Variants in TPTE2 observed in about 807,000 individuals in gnomAD.
TPTE2 encodes transmembrane phosphoinositide 3-phosphatase and tensin homolog 2, also known as phosphatidylinositol 3,4,5-trisphosphate 3-phosphatase TPTE2.
A neutral mutation model predicts 78.6 loss-of-function variants in TPTE2; 53 were observed. The observed-to-expected ratio is 0.67, with a 90% CI of 0.54 to 0.85. The LOEUF (loss-of-function observed/expected upper bound fraction) is 0.85. TPTE2 is among the 40% of genes least tolerant of loss of function. The pLI is 0.00. For missense variants in TPTE2, 461 were observed against 623.0 expected (o/e 0.74, Z 2.77); for synonymous variants, 175 against 206.2 (o/e 0.85, Z 1.30).
At chr13:19,465,348 G>A in intron 8 of TPTE2, 30 bp from the exon 12 acceptor site, 2 of 1,613,512 alleles carry the variant, frequency 1.2e-6, no homozygotes, top group Non-Finnish European at 1.7e-6. Context: ...ATTAGTTTGT[G>A]AAACATTCAT....
chr13:19,543,059 C>CT, the TPTE2 span, among the ~76,000 whole-genome samples: 129 of 144,710 alleles, frequency 8.9e-4, no homozygotes, highest in South Asian at 0.012. Context: ...ATTTCTTTTT[C>CT]TTTTTTTTTT....
chr13:19,550,425 T>C, the TPTE2 span, among the ~76,000 whole-genome samples: 6 of 152,202 alleles, frequency 3.9e-5, no homozygotes, highest in Non-Finnish European at 7.4e-5. Context: ...CATACTATCC[T>C]TGTTAATATT....
intron 15 of TPTE2, 147 bp downstream of exon 18, chr13:19,436,079 T>C (rs1877060996): frequency 1.6e-6 from 1 of 626,698 alleles, no homozygotes; most frequent in Admixed American, 3.0e-5. Flanking sequence ...ACCCTCAGAC[T>C]CAGGGAGGGA....
chr13:19,435,431 G>A (rs1356733319), intron 15 of TPTE2, among the ~76,000 whole-genome samples: 6 of 152,146 alleles, frequency 3.9e-5, no homozygotes, highest in Admixed American at 3.3e-4. Flanking sequence ...GTGGAGAGTG[G>A]GGTTGAGGGG....
the TPTE2 span, among the ~76,000 whole-genome samples, chr13:19,550,460 A>G: frequency 6.6e-6 from 1 of 152,218 alleles, no homozygotes; most frequent in East Asian, 1.9e-4. Flanking sequence ...GTTCCAGTAT[A>G]AAGTAAAATT....
At chr13:19,470,147 C>T (rs753931289) in intron 6 of TPTE2, among the ~76,000 whole-genome samples, 4 of 152,130 alleles carry the variant, frequency 2.6e-5, no homozygotes, top group East Asian at 3.8e-4. Context: ...CCATTCAGTA[C>T]GGTACTGACT....
At position 19,465,305 on chromosome 13, in the gene TPTE2, T is replaced by C. The variant is rs775410599; in HGVS notation, c.626A>G (p.Lys209Arg). The C allele has an allele frequency of 1.2e-6, 2 of 1,613,904 alleles. No homozygotes were observed. The highest frequency in any genetic ancestry group is 1.7e-5 in the Admixed American group (1 of 60,022). The stretch of plus-strand genomic sequence containing the variant: ...AAATCCATCCCTTGTGTATCGCCTT[T>C]TGTTTTCTGAAACCTGAGAGTTTAA... The change falls in exon 9 of 20, where the codon AAA (lysine) becomes AGA (arginine). Residue 209 changes from lysine to arginine, a missense_variant. Physicochemically the swap from Lys to Arg is conservative, Grantham distance 26. Coordinates refer to ENST00000400230, the Ensembl canonical transcript of TPTE2.
At chr13:19,463,979 T>C (rs570347418) in intron 10 of TPTE2, among the ~76,000 whole-genome samples, 37 of 152,236 alleles carry the variant, frequency 2.4e-4, no homozygotes, top group African/African-American at 8.7e-4. Flanking sequence ...CAGCATATGG[T>C]GGCTCTGCTG....
chr13:19,468,430 A>G (rs1339685578), intron 6 of TPTE2, among the ~76,000 whole-genome samples: 2 of 152,128 alleles, frequency 1.3e-5, no homozygotes, highest in Admixed American at 1.3e-4. Flanking sequence ...ATGGACACTT[A>G]GGCTGCTTCC....
chr13:19,504,438 C>T (rs1868854516), upstream of TPTE2, among the ~76,000 whole-genome samples: 1 of 152,058 alleles, frequency 6.6e-6, no homozygotes, highest in South Asian at 2.1e-4. Context: ...TAGTGTTAGC[C>T]TCACATGGTG....
exon 17 of TPTE2, chr13:19,430,491 T>G (rs1876490209): frequency 6.2e-7 from 1 of 1,610,848 alleles, no homozygotes; most frequent in Non-Finnish European, 8.5e-7. Context: ...AATGAAGTAC[T>G]GGAAAAGACA....
rs1385754119 is a variant in TPTE2, at chr13:19,477,847, C to T, written c.180-2224G>A. Among the ~76,000 whole-genome samples the T allele has an allele frequency of 3.3e-5, 5 of 152,274 alleles. No homozygotes were observed. In the South Asian group the frequency reaches 1.0e-3, roughly 32 times the overall value. On this transcript the variant is annotated intron_variant, in intron 4 of 19. Coordinates refer to ENST00000400230, the Ensembl canonical transcript of TPTE2. ...ATGTGCAGAGTTTGCAGGGAAATAA[C>T]TATGACTCAGTAAATCCATATCCAG...
intron 3 of TPTE2, among the ~76,000 whole-genome samples, chr13:19,485,849 T>A (rs1880633453): frequency 6.6e-6 from 1 of 152,088 alleles, no homozygotes; most frequent in African/African-American, 2.4e-5. Context: ...CATTGAACTG[T>A]TTAGCTCTTA....
intron 1 of TPTE2, among the ~76,000 whole-genome samples, chr13:19,529,757 CAATTCTCCTT>C (rs1389068959): frequency 2.0e-5 from 3 of 152,168 alleles, no homozygotes; most frequent in Non-Finnish European, 4.4e-5. Context: ...TCTAAAAGAA[CAATTCTCCTT>C]ATGCCCTTTG....
At chr13:19,511,056 C>G (rs761265470) in intron 1 of TPTE2, among the ~76,000 whole-genome samples, 12 of 152,312 alleles carry the variant, frequency 7.9e-5, no homozygotes, top group Admixed American at 4.6e-4. Context: ...GAGCAATAGG[C>G]AGTATTCAGT....
chr13:19,492,874 G>A (rs754090436), exon 3 of TPTE2: 2 of 1,613,792 alleles, frequency 1.2e-6, no homozygotes, highest in South Asian at 1.1e-5. Flanking sequence ...TGACACCAGG[G>A]CTGCTCCTTT....
chr13:19,559,248 T>C, the TPTE2 span, among the ~76,000 whole-genome samples: 5 of 152,212 alleles, frequency 3.3e-5, no homozygotes, highest in African/African-American at 7.2e-5. Context: ...TTGAGCTCGA[T>C]AGTATATATA....
At chr13:19,441,118 A>C (rs1480458971) in intron 13 of TPTE2, among the ~76,000 whole-genome samples, 1 of 152,078 alleles carries the variant, frequency 6.6e-6, no homozygotes, top group African/African-American at 2.4e-5. Flanking sequence ...CCTTTGCAGC[A>C]TCACGGATGC....
intron 1 of TPTE2, among the ~76,000 whole-genome samples, chr13:19,513,570 T>A (rs549076563): frequency 2.0e-4 from 31 of 152,304 alleles, no homozygotes; most frequent in Admixed American, 6.5e-4. Flanking sequence ...CATACACGAC[T>A]TTTTTTGTTG....
Sources: gnomAD v4.1 joint callset for allele counts (sites outside exome capture counted in the v4.1 genomes callset) on GRCh38, gnomAD v4.1.1 for gene constraint, MANE v1.5 for transcripts, NCBI Gene and HGNC (gene_info 2026-07-23, HGNC 2026-07-21) for gene names.